Variants in SH3D19 observed in about 807,000 individuals in gnomAD.
SH3D19 encodes the protein SH3 domain containing 19.
A neutral mutation model predicts 112.1 loss-of-function variants in SH3D19; 58 were observed. The ratio of observed to expected loss-of-function variants is 0.52; its 90% confidence interval spans 0.42 to 0.64. SH3D19 has a LOEUF of 0.64. Among genes scored for constraint, SH3D19 ranks in the 30% least tolerant of loss-of-function variants. SH3D19 has a pLI of 0.00. For missense variants in SH3D19, 1,090 were observed against 1,263.4 expected (o/e 0.86, Z 2.08); for synonymous variants, 391 against 448.5 (o/e 0.87, Z 1.62).
At position 151,175,441 on chromosome 4, in the gene SH3D19, C is replaced by G. The variant is rs946239455; in HGVS notation, c.763G>C (p.Ala255Pro). 49 of 1,516,460 alleles carry G rather than the reference C, an allele frequency of 3.2e-5. No individual in the cohort carries two copies. In the African/African-American group the frequency reaches 6.7e-4, roughly 21 times the overall value. 93.9% of individuals were successfully genotyped at this position (1,516,460 alleles called of 1,614,324 possible). Reference protein sequence around the residue: ...EQSQQKISPAAVGEESSPGRP... With the variant: ...EQSQQKISPAPVGEESSPGRP... ...CCTGGGGATGACTCCTCTCCTACGG[C>G]TGCTGGGCTGATTTTCTGTTGACTT... The change falls in exon 7 of 20, where the codon GCC (alanine) becomes CCC (proline). Residue 255 changes from alanine to proline, a missense_variant. Physicochemically the swap from Ala to Pro is conservative, Grantham distance 27. Transcript: ENST00000604030.
chr4:151,307,304 G>A (rs1295694319), intron 1 of SH3D19, among the ~76,000 whole-genome samples: 1 of 152,182 alleles, frequency 6.6e-6, no homozygotes, highest in Non-Finnish European at 1.5e-5. Context: ...TTACAGGCGT[G>A]AGCCACTGCG....
At chr4:151,236,274 C>T (rs1055612248) in intron 1 of SH3D19, among the ~76,000 whole-genome samples, 4 of 152,242 alleles carry the variant, frequency 2.6e-5, no homozygotes, top group South Asian at 2.1e-4. Flanking sequence ...CCGGGGCTTG[C>T]GGGCTGGCGG....
chr4:151,121,993 C>G lies in SH3D19; in HGVS notation c.*98G>C, dbSNP rs958323756. ...TGTACCATGTACAGCTTAGATATTT[C>G]TTTTTCAGTTAAAAAAAATAGTGCA... On this transcript the variant is annotated 3_prime_UTR_variant, in exon 20 of 20. Coordinates refer to ENST00000604030, the MANE Select transcript of SH3D19 (RefSeq NM_001378122.1). The G allele has an allele frequency of 2.2e-5, 15 of 690,510 alleles. No homozygotes were observed. The highest frequency in any genetic ancestry group is 3.3e-5 in the Non-Finnish European group (13 of 390,526). The allele number at this position is 690,510 out of a possible 1,614,324, so 42.8% of individuals were successfully genotyped here.
chr4:151,131,357 T>A lies in SH3D19; in HGVS notation c.2742+974A>T, dbSNP rs562125996. On this transcript the variant is annotated intron_variant, in intron 17 of 19. Transcript: ENST00000604030. ...TTGTTTAGTGCTGAGCTGCACTGAA[T>A]CTTTGTTAACTGAATAGGTTAAATG... 5.9e-5 allele frequency among the ~76,000 whole-genome samples: 9 copies of A among 152,290 alleles called. No individual in the cohort carries two copies. The South Asian group carries it at 1.9e-3, about 32-fold the overall frequency.
intron 6 of SH3D19, among the ~76,000 whole-genome samples, chr4:151,175,950 A>C (rs905054489): frequency 2.0e-5 from 3 of 151,590 alleles, no homozygotes; most frequent in African/African-American, 4.8e-5. Flanking sequence ...GGCTCACTGC[A>C]GCCTCACCCT....
At chr4:151,163,515 C>T (rs533188778) in intron 8 of SH3D19, among the ~76,000 whole-genome samples, 22 of 151,906 alleles carry the variant, frequency 1.4e-4, no homozygotes, top group African/African-American at 4.6e-4. Context: ...AATGAGCTAT[C>T]GTTTTACTGA....
chr4:151,182,109 C>A (rs1761054081), intron 3 of SH3D19, among the ~76,000 whole-genome samples: 1 of 152,060 alleles, frequency 6.6e-6, no homozygotes, highest in South Asian at 2.1e-4. Context: ...CTGCCTCAGC[C>A]CCCTGAGTAG....
At position 151,214,736 on chromosome 4, in the gene SH3D19, G is replaced by A. The variant is rs535539165; in HGVS notation, c.152+11311C>T. 1.6e-4 allele frequency among the ~76,000 whole-genome samples: 12 copies of A among 74,100 alleles called. No individual in the cohort carries two copies. In the South Asian group the frequency reaches 4.0e-3, roughly 24 times the overall value. The allele number at this position is 74,100 out of a possible 152,430, so 48.6% of individuals were successfully genotyped here. ...CGGGCAGAGGCGCCCCTCACCTCCC[G>A]GATGGGGAGGCTGGCCGGGCAGGGG... On this transcript the variant is annotated intron_variant, in intron 2 of 19. Transcript: ENST00000604030.
rs149113767 is a variant in SH3D19, at chr4:151,178,215, C to T, written c.236+1140G>A. ...TGTGCCTGGAGCATGTTTAAATTTT[C>T]TCTTAAACCTGATTTCCTAACAAAC... On this transcript the variant is annotated intron_variant, in intron 4 of 19. Transcript: ENST00000604030. 2.8e-3 allele frequency among the ~76,000 whole-genome samples: 420 copies of T among 152,324 alleles called. 4 individuals carry two copies. The highest frequency in any genetic ancestry group is 0.014 in the Middle Eastern group (4 of 294).
At chr4:151,259,518 T>TG (rs570735729) in intron 1 of SH3D19, 9 of 152,528 alleles carry the variant, frequency 5.9e-5, no homozygotes, top group Admixed American at 1.3e-4. Context: ...TGCCTCAGGC[T>TG]GGGGGGCTAG....
At chr4:151,203,909 T>A (rs1166762975) in intron 2 of SH3D19, among the ~76,000 whole-genome samples, 2 of 152,202 alleles carry the variant, frequency 1.3e-5, no homozygotes, top group East Asian at 3.8e-4. Context: ...TATTTCATCA[T>A]AATAATTTTG....
chr4:151,234,257 A>C (rs1769838143), intron 1 of SH3D19, among the ~76,000 whole-genome samples: 1 of 152,236 alleles, frequency 6.6e-6, no homozygotes, highest in African/African-American at 2.4e-5. Context: ...TCTTCTTCGA[A>C]ATGGTTCAAA....
chr4:151,138,930 T>C (rs1052731770), intron 13 of SH3D19, among the ~76,000 whole-genome samples: 6 of 152,102 alleles, frequency 3.9e-5, no homozygotes, highest in African/African-American at 1.4e-4. Context: ...CAGGTTCAAG[T>C]GATTCTCCTG....
At position 151,150,206 on chromosome 4, in the gene SH3D19, A is replaced by AAAATAT. The variant is rs1273707426; in HGVS notation, c.1756-646_1756-645insATATTT. On this transcript the variant is annotated intron_variant, in intron 9 of 19. Transcript: ENST00000604030. The stretch of plus-strand genomic sequence containing the variant: ...TCTCAAAAAAAAAAAAAAAAAAAAA[A>AAAATAT]ATATATATATATATATATATATACA... 5.4e-3 allele frequency among the ~76,000 whole-genome samples: 250 copies of AAAATAT among 46,094 alleles called. 7 individuals carry two copies. The highest frequency in any genetic ancestry group is 8.1e-3 in the Non-Finnish European group (191 of 23,590). 30.2% of individuals were successfully genotyped at this position (46,094 alleles called of 152,430 possible).
intron 7 of SH3D19, among the ~76,000 whole-genome samples, chr4:151,171,877 C>T (rs539510858): frequency 6.6e-6 from 1 of 152,190 alleles, no homozygotes; most frequent in African/African-American, 2.4e-5. Context: ...CTTCTGGGCT[C>T]CATTACATTA....
At chr4:151,160,684 C>CTTTT (rs35888994) in intron 8 of SH3D19, among the ~76,000 whole-genome samples, 29 of 145,440 alleles carry the variant, frequency 2.0e-4, no homozygotes, top group Non-Finnish European at 3.8e-4. Flanking sequence ...CTTTCTCTCT[C>CTTTT]TTTTTTTTTT....
chr4:151,310,697 G>A lies in SH3D19; in HGVS notation c.112+14544C>T, dbSNP rs567049378. Reference sequence around the variant, plus strand: ...AGTGATTCTCATGCCTTGGCCTGCTGAGTAGCTGGGACTACAGGTGCACAC... The same window carrying A: ...AGTGATTCTCATGCCTTGGCCTGCTAAGTAGCTGGGACTACAGGTGCACAC... On this transcript the variant is annotated intron_variant, in intron 1 of 19. Coordinates refer to ENST00000604030, the MANE Select transcript of SH3D19 (RefSeq NM_001378122.1). Among the ~76,000 whole-genome samples the A allele has an allele frequency of 1.8e-4, 27 of 151,456 alleles. No individual in the cohort carries two copies. The South Asian group carries it at 5.7e-3, about 32-fold the overall frequency.
chr4:151,192,516 G>T (rs1052894208), intron 2 of SH3D19, among the ~76,000 whole-genome samples: 2 of 152,114 alleles, frequency 1.3e-5, no homozygotes, highest in African/African-American at 4.8e-5. Context: ...GGACTATCCT[G>T]CCATCACCAG....
At chr4:151,209,924 T>C (rs1178932962) in intron 2 of SH3D19, among the ~76,000 whole-genome samples, 4 of 152,188 alleles carry the variant, frequency 2.6e-5, no homozygotes, top group African/African-American at 9.7e-5. Context: ...CTGAGCATTA[T>C]AACATAAAAA....
Sources: gnomAD v4.1 joint callset for allele counts (sites outside exome capture counted in the v4.1 genomes callset) on GRCh38, gnomAD v4.1.1 for gene constraint, MANE v1.5 for transcripts, NCBI Gene and HGNC (gene_info 2026-07-23, HGNC 2026-07-21) for gene names.